The following PPP2R2C variants were observed in gnomAD, a reference collection of about 807,000 sequenced individuals.
The protein encoded by PPP2R2C is protein phosphatase 2, regulatory subunit B, gamma.
A neutral mutation model predicts 45.3 loss-of-function variants in PPP2R2C; 10 were observed. That is an observed-to-expected ratio of 0.22 (90% CI 0.14 to 0.37). The LOEUF (loss-of-function observed/expected upper bound fraction) is 0.37, where lower values mean the gene tolerates loss of function less well. Ranked by LOEUF, PPP2R2C falls within the 10% of genes least tolerant of loss-of-function variation. The pLI, the probability that PPP2R2C is intolerant of heterozygous loss-of-function variation, is 1.00. For synonymous variants in PPP2R2C, 257 were observed against 245.4 expected, an observed-to-expected ratio of 1.05 and a Z score of -0.44; for missense variants, 308 against 619.7, an observed-to-expected ratio of 0.50 and a Z score of 5.34.
At chr4:6,539,288 G>T (rs1222659073) in intron 1 of PPP2R2C, among the ~76,000 whole-genome samples, 2 of 152,220 alleles carry the variant, frequency 1.3e-5, no homozygotes, top group Non-Finnish European at 2.9e-5. Flanking sequence ...CCAGAAGCCA[G>T]GAGAAGAGGC....
At chr4:6,380,673 G>C (rs1715708749) in intron 2 of PPP2R2C, among the ~76,000 whole-genome samples, 1 of 152,174 alleles carries the variant, frequency 6.6e-6, no homozygotes, top group East Asian at 1.9e-4. Context: ...GCAAACATCG[G>C]CTGAGGGCAG....
chr4:6,507,851 T>C (rs902264385), intron 2 of PPP2R2C, among the ~76,000 whole-genome samples: 1 of 152,252 alleles, frequency 6.6e-6, no homozygotes, highest in Non-Finnish European at 1.5e-5. Context: ...TCATGTTTCT[T>C]CCTTAGAATT....
intron 1 of PPP2R2C, among the ~76,000 whole-genome samples, chr4:6,554,646 G>A (rs761653913): frequency 1.3e-5 from 2 of 152,082 alleles, no homozygotes; most frequent in Non-Finnish European, 2.9e-5. Flanking sequence ...GAGTACTTGA[G>A]GTCAGGAGTT....
In PPP2R2C at chr4:6,329,268, C is replaced by T; in HGVS notation, c.1046G>A (p.Ser349Asn). The change falls in exon 8 of 9, where the codon AGC (serine) becomes AAC (asparagine). Residue 349 changes from serine (S) to asparagine (N), a missense_variant. Coordinates refer to ENST00000382599, the MANE Select transcript of PPP2R2C (RefSeq NM_020416.4). The surrounding 1 kb of genome is among the most constrained non-coding windows in gnomAD (Gnocchi z 5.8). ...FDKFECAWNGSDSVIMTGAYN... is the reference protein window; with the variant it reads ...FDKFECAWNGNDSVIMTGAYN... ...GGCTGAGGTCAGGGCTTACCTGTCG[C>T]TCCCGTTCCAGGCACATTCAAACTT... 6.2e-7 allele frequency: 1 copy of T among 1,613,974 alleles called. No homozygotes were observed. Among genetic ancestry groups the T allele is most frequent in the Non-Finnish European group, 8.5e-7 (1 of 1,179,858 alleles).
Position 6,345,302 on chromosome 4 carries a change from G to A in PPP2R2C, c.790+2544C>T, listed in dbSNP as rs1711741802. 6.6e-6 allele frequency among the ~76,000 whole-genome samples: 1 copy of A among 152,184 alleles called. No individual in the cohort carries two copies. ...ACATGTGGCCTGAGTGAATGGGCGG[G>A]AGGCGTAGGTGGGGGGGCAGTGTCC... On this transcript the variant is annotated intron_variant, in intron 6 of 8. Transcript: ENST00000382599. The surrounding 1 kb of genome is among the most constrained non-coding windows in gnomAD (Gnocchi z 5.3).
chr4:6,378,498 G>A lies in PPP2R2C; in HGVS notation c.243C>T (p.Asp81=), dbSNP rs771838476. ...CCTCTATCTCCAGGCTCTTGAGATA[G>A]TCAAACTCCGGCTCGTGGCTCTGGA... ...STFQSHEPEF[D]YLKSLEIEEK... is the part of the protein sequence containing the mutation. The change falls in exon 3 of 9, where the codon GAC becomes GAT. Residue 81 remains aspartate (D), a synonymous_variant. Coordinates refer to ENST00000382599, the MANE Select transcript of PPP2R2C (RefSeq NM_020416.4). This position sits in a 1 kb window ranked among gnomAD's most constrained non-coding sequence, Gnocchi z 5.2. 8.1e-6 allele frequency: 13 copies of A among 1,614,034 alleles called. No individual in the cohort carries two copies. Among genetic ancestry groups the A allele is most frequent in the South Asian group, 5.5e-5 (5 of 91,080 alleles).
chr4:6,425,089 C>T (rs890364980), intron 1 of PPP2R2C, among the ~76,000 whole-genome samples: 7 of 152,190 alleles, frequency 4.6e-5, no homozygotes, highest in Non-Finnish European at 1.0e-4. Flanking sequence ...TACTCCTATT[C>T]CCATTCATAT....
intron 1 of PPP2R2C, among the ~76,000 whole-genome samples, chr4:6,433,984 C>A (rs997979801): frequency 6.6e-6 from 1 of 152,198 alleles, no homozygotes; most frequent in Non-Finnish European, 1.5e-5. Context: ...CCCTTAGGCC[C>A]TTCTCCCACT....
At chr4:6,354,900 G>A (rs758067920) in intron 5 of PPP2R2C, among the ~76,000 whole-genome samples, 8 of 152,110 alleles carry the variant, frequency 5.3e-5, no homozygotes, top group Non-Finnish European at 1.0e-4. Flanking sequence ...AATCAACCCA[G>A]GTCGTGTTGG....
At chr4:6,492,296 G>A (rs1409853424) in intron 2 of PPP2R2C, among the ~76,000 whole-genome samples, 1 of 152,206 alleles carries the variant, frequency 6.6e-6, no homozygotes, top group East Asian at 1.9e-4. Flanking sequence ...AAAAACCCAG[G>A]ATGGACTCCA....
chr4:6,385,862 C>T lies in PPP2R2C; in HGVS notation c.71-4768G>A, dbSNP rs191385728. ...GATTACAGGTGTGAGCCACCGCGCC[C>T]GGCCTACAAGTGCAGTCTTAAGGCC... On this transcript the variant is annotated intron_variant, in intron 1 of 8. Transcript: ENST00000382599. 5.5e-4 allele frequency among the ~76,000 whole-genome samples: 84 copies of T among 152,266 alleles called. 6 individuals are homozygous for T. Among genetic ancestry groups the T allele is most frequent in the Admixed American group, 5.2e-3 (79 of 15,290 alleles).
At chr4:6,448,782 G>A (rs1331231935) in intron 1 of PPP2R2C, among the ~76,000 whole-genome samples, 4 of 152,168 alleles carry the variant, frequency 2.6e-5, no homozygotes, top group Admixed American at 2.6e-4. Context: ...TCCCCCCAGT[G>A]AGCAAAGGAA....
rs186563220 is a variant in PPP2R2C at position 6,370,277 on chromosome 4, A to T, written c.625+2246T>A. ...CCCAGCCTCCGTTTCCTCATCTGTG[A>T]AATGGGGTGATCATCAAATTACCAC... On this transcript the variant is annotated intron_variant, in intron 5 of 8. Coordinates refer to ENST00000382599, the MANE Select transcript of PPP2R2C (RefSeq NM_020416.4). Among the ~76,000 whole-genome samples the T allele has an allele frequency of 2.8e-3, 426 of 152,326 alleles. 1 individual carries two copies. Among genetic ancestry groups the T allele is most frequent in the Non-Finnish European group, 4.4e-3 (302 of 68,008 alleles).
At chr4:6,418,573 C>T (rs550472805) in intron 1 of PPP2R2C, among the ~76,000 whole-genome samples, 4 of 152,360 alleles carry the variant, frequency 2.6e-5, no homozygotes, top group African/African-American at 9.6e-5. Context: ...GATCAAATCG[C>T]CCCTGGGCCT....
At chr4:6,474,431 CTT>C (rs1221499626), upstream of PPP2R2C, among the ~76,000 whole-genome samples, 1 of 152,160 alleles carries the variant, frequency 6.6e-6, no homozygotes, top group Non-Finnish European at 1.5e-5. Context: ...TGGGAGCTCT[CTT>C]GTTATCATGC....
rs1040197946 is a variant in PPP2R2C at position 6,471,987 on chromosome 4, G to A, written c.70+173C>T. Among the ~76,000 whole-genome samples, 27 of 145,188 alleles carry A rather than the reference G, an allele frequency of 1.9e-4. No individual in the cohort carries two copies. The highest frequency in any genetic ancestry group is 6.9e-4 in the African/African-American group (27 of 39,102). On this transcript the variant is annotated intron_variant, in intron 1 of 8. Transcript: ENST00000382599. The surrounding 1 kb of genome is among the most constrained non-coding windows in gnomAD (Gnocchi z 5.6). ...TACCCTCGGGCTCCCTCCCTCCTGG[G>A]CCCCGGGCAGGGTGGGATGGGATGG...
At chr4:6,456,527 G>A (rs943604313) in intron 1 of PPP2R2C, among the ~76,000 whole-genome samples, 2 of 152,120 alleles carry the variant, frequency 1.3e-5, no homozygotes, top group Non-Finnish European at 2.9e-5. Context: ...AATATTCAGG[G>A]CTGTTTTTAT....
chr4:6,452,555 C>T (rs927569647), intron 1 of PPP2R2C, among the ~76,000 whole-genome samples: 6 of 152,220 alleles, frequency 3.9e-5, no homozygotes, highest in African/African-American at 7.2e-5. Flanking sequence ...GAGGGCTGTG[C>T]GCCCTGCACC....
intron 1 of PPP2R2C, among the ~76,000 whole-genome samples, chr4:6,445,630 G>T (rs1480634584): frequency 2.6e-5 from 4 of 152,362 alleles, no homozygotes; most frequent in African/African-American, 4.8e-5. Context: ...CCGGCAGGGG[G>T]ATCACTTGAG....
Sources: allele counts gnomAD v4.1 joint callset (sites outside exome capture counted in the v4.1 genomes callset), GRCh38; gene constraint gnomAD v4.1.1; non-coding constraint Gnocchi (gnomAD v3.1); transcripts MANE v1.5; gene names NCBI Gene and HGNC (gene_info 2026-07-23, HGNC 2026-07-21).